POU6F2: variants seen among roughly 807,000 people sequenced by gnomAD.
POU6F2 encodes the protein POU class 6 homeobox 2, also known as POU domain, class 6, transcription factor 2.
POU6F2 carries 31 observed loss-of-function variants against 71.3 expected under a neutral mutation model. The ratio of observed to expected loss-of-function variants is 0.43; its 90% CI spans 0.33 to 0.59. The LOEUF (loss-of-function observed/expected upper bound fraction) is 0.59. Among genes scored for constraint, POU6F2 ranks in the 20% least tolerant of loss-of-function variants. The pLI is 0.04. For missense variants in POU6F2, 783 were observed against 856.8 expected (o/e 0.91, Z 1.07); for synonymous variants, 347 against 355.7 (o/e 0.98, Z 0.27).
intron 4 of POU6F2, among the ~76,000 whole-genome samples, chr7:39,207,901 G>A (rs1794055049): frequency 6.6e-6 from 1 of 152,172 alleles, no homozygotes; most frequent in East Asian, 1.9e-4. Context: ...TGACATATCA[G>A]AAACTTAAAA....
intron 2 of POU6F2, among the ~76,000 whole-genome samples, chr7:39,198,024 C>T (rs1240148880): frequency 6.6e-6 from 1 of 152,202 alleles, no homozygotes; most frequent in African/African-American, 2.4e-5. Context: ...TAAAGTATGT[C>T]ATGGAATTTT....
At chr7:39,461,996 C>G (rs76910582) in intron 9 of POU6F2, among the ~76,000 whole-genome samples, 179 of 152,308 alleles carry the variant, frequency 1.2e-3, no homozygotes, top group African/African-American at 4.0e-3. Flanking sequence ...ATCTTGACAG[C>G]CTTGGGATAA....
At chr7:39,370,820 G>A (rs1235889472) in intron 5 of POU6F2, among the ~76,000 whole-genome samples, 1 of 152,194 alleles carries the variant, frequency 6.6e-6, no homozygotes, top group Non-Finnish European at 1.5e-5. Flanking sequence ...CTTTGAACTT[G>A]AACTTCAACA....
At chr7:39,272,136 C>G (rs563738285) in intron 4 of POU6F2, among the ~76,000 whole-genome samples, 162 of 152,260 alleles carry the variant, frequency 1.1e-3, no homozygotes, top group African/African-American at 3.7e-3. Context: ...AGAAATAACC[C>G]AGGATCATAG....
At chr7:39,376,006 C>T (rs1038555602) in intron 5 of POU6F2, among the ~76,000 whole-genome samples, 3 of 152,144 alleles carry the variant, frequency 2.0e-5, no homozygotes, top group Non-Finnish European at 4.4e-5. Flanking sequence ...CTTAAATTCT[C>T]AAAACCTCAG....
chr7:39,221,299 G>T (rs1043908744), intron 4 of POU6F2, among the ~76,000 whole-genome samples: 1 of 151,676 alleles, frequency 6.6e-6, no homozygotes, highest in Non-Finnish European at 1.5e-5. Context: ...ACATTTTGTA[G>T]GCTCTCTGCC....
intron 1 of POU6F2, among the ~76,000 whole-genome samples, chr7:38,981,366 G>A (rs893598866): frequency 2.0e-5 from 3 of 152,046 alleles, no homozygotes; most frequent in African/African-American, 7.2e-5. Flanking sequence ...ATACAGTCGG[G>A]TCACTGTGTC....
chr7:39,189,384 T>TTGTG (rs1447269470), intron 2 of POU6F2, among the ~76,000 whole-genome samples: 5 of 151,376 alleles, frequency 3.3e-5, no homozygotes, highest in Non-Finnish European at 7.4e-5. Flanking sequence ...GTGTGTTTGT[T>TTGTG]TGTTTGTTTG....
chr7:39,089,490 C>T (rs1791320448), intron 2 of POU6F2, among the ~76,000 whole-genome samples: 1 of 152,114 alleles, frequency 6.6e-6, no homozygotes, highest in African/African-American at 2.4e-5. Flanking sequence ...TAGTGATGTA[C>T]ATATTGGAAA....
chr7:39,332,472 G>A (rs917034653), intron 4 of POU6F2, among the ~76,000 whole-genome samples: 1 of 152,130 alleles, frequency 6.6e-6, no homozygotes. Flanking sequence ...AAGTATGTAA[G>A]GATAAAATTA....
intron 5 of POU6F2, among the ~76,000 whole-genome samples, chr7:39,396,519 G>A (rs1000089257): frequency 6.6e-6 from 1 of 152,084 alleles, no homozygotes; most frequent in Non-Finnish European, 1.5e-5. Context: ...ACTCTTCAGC[G>A]TGTCCACAAG....
intron 1 of POU6F2, among the ~76,000 whole-genome samples, chr7:39,074,860 G>A (rs2128718820): frequency 6.6e-6 from 1 of 152,238 alleles, no homozygotes; most frequent in Non-Finnish European, 1.5e-5. Context: ...CTAAGCAGTC[G>A]GCCTGCTATG....
At chr7:39,371,266 G>A (rs540265313) in intron 5 of POU6F2, among the ~76,000 whole-genome samples, 14 of 151,068 alleles carry the variant, frequency 9.3e-5, no homozygotes, top group South Asian at 4.2e-4. Context: ...TGCAACCTCC[G>A]CCTCCCGGGT....
chr7:39,204,379 A>C lies in POU6F2; in HGVS notation c.369+53A>C, dbSNP rs35489214. On this transcript the variant is annotated intron_variant, in intron 3 of 9. Transcript: ENST00000518318. ...GGGCTGCATTTAGGATGGTTTAACCATATAAATCACCAAATAAATAATAAT... is the reference window on the plus strand; with the variant it reads ...GGGCTGCATTTAGGATGGTTTAACCCTATAAATCACCAAATAAATAATAAT... 11 of 1,416,274 alleles carry C rather than the reference A, an allele frequency of 7.8e-6. 1 individual carries two copies. In the African/African-American group the frequency reaches 1.6e-4, roughly 20 times the overall value. The allele number at this position is 1,416,274 out of a possible 1,614,324, so 87.7% of individuals were successfully genotyped here. A position where few individuals can be genotyped will look rare whatever the true frequency, so the allele number is the denominator to read the frequency against.
chr7:39,386,625 A>G (rs1010091613), intron 5 of POU6F2, among the ~76,000 whole-genome samples: 2 of 152,220 alleles, frequency 1.3e-5, no homozygotes, highest in Non-Finnish European at 2.9e-5. Flanking sequence ...ATGATGGGAA[A>G]GGTCACCTTA....
chr7:39,313,994 C>T (rs1785214707), intron 4 of POU6F2, among the ~76,000 whole-genome samples: 2 of 152,116 alleles, frequency 1.3e-5, no homozygotes, highest in South Asian at 2.1e-4. Flanking sequence ...GAGCCCCCAA[C>T]TTCTTCTGCT....
At chr7:39,445,235 T>A (rs990060433) in intron 7 of POU6F2, among the ~76,000 whole-genome samples, 1 of 152,220 alleles carries the variant, frequency 6.6e-6, no homozygotes, top group African/African-American at 2.4e-5. Flanking sequence ...CTCAATTTTT[T>A]CTCAAGCCAC....
At chr7:39,003,469 G>A (rs916526377) in intron 1 of POU6F2, among the ~76,000 whole-genome samples, 1 of 151,692 alleles carries the variant, frequency 6.6e-6, no homozygotes, top group Non-Finnish European at 1.5e-5. Flanking sequence ...GGCTGGTCAC[G>A]GTGGCTCATG....
At position 39,058,875 on chromosome 7, in the gene POU6F2, A is replaced by G. The variant is rs560778628; in HGVS notation, c.106-26985A>G. On this transcript the variant is annotated intron_variant, in intron 1 of 9. Transcript: ENST00000518318. Reference sequence around the variant, plus strand: ...GAGTTTTATTAATTTGCATACTCACAGCTGCTGACTACAAACCAACACCCA... The same window carrying G: ...GAGTTTTATTAATTTGCATACTCACGGCTGCTGACTACAAACCAACACCCA... Among the ~76,000 whole-genome samples the G allele has an allele frequency of 2.0e-5, 3 of 152,318 alleles. No homozygotes were observed. The East Asian group carries it at 5.8e-4, about 29-fold the overall frequency.
Sources: gnomAD v4.1 joint callset for allele counts (sites outside exome capture counted in the v4.1 genomes callset) on GRCh38, gnomAD v4.1.1 for gene constraint, MANE v1.5 for transcripts, NCBI Gene and HGNC (gene_info 2026-07-23, HGNC 2026-07-21) for gene names.